The following FAM78B variants were observed in gnomAD, a reference collection of about 807,000 sequenced individuals.
FAM78B encodes the protein family with sequence similarity 78 member B, also known as protein FAM78B.
FAM78B carries 10 observed loss-of-function variants against 20.0 expected under a neutral mutation model. The observed-to-expected ratio is 0.50, with a 90% confidence interval of 0.31 to 0.85. The LOEUF (loss-of-function observed/expected upper bound fraction) is 0.85, where lower values mean the gene tolerates loss of function less well. FAM78B is among the 40% of genes least tolerant of loss of function. The pLI, the probability that FAM78B is intolerant of heterozygous loss-of-function variation, is 0.05. For missense variants in FAM78B, 283 were observed against 345.0 expected, an observed-to-expected ratio of 0.82 and a Z score of 1.42; for synonymous variants, 135 against 132.8, an observed-to-expected ratio of 1.02 and a Z score of -0.12.
intron 1 of FAM78B, among the ~76,000 whole-genome samples, chr1:166,076,362 G>A (rs751174672): frequency 6.6e-6 from 1 of 152,014 alleles, no homozygotes; most frequent in Non-Finnish European, 1.5e-5. Flanking sequence ...TCCCACCTGA[G>A]GGCCTTTGCA....
intron 1 of FAM78B, among the ~76,000 whole-genome samples, chr1:166,109,886 A>ATATATATATATATG (rs1553219467): frequency 5.4e-5 from 1 of 18,540 alleles, no homozygotes; most frequent in Non-Finnish European, 1.0e-4. Flanking sequence ...ATATATGTAT[A>ATATATATATATATG]TATGTATATA....
intron 1 of FAM78B, among the ~76,000 whole-genome samples, chr1:166,101,907 T>A (rs1057342790): frequency 6.6e-6 from 1 of 151,838 alleles, no homozygotes; most frequent in Non-Finnish European, 1.5e-5. Context: ...CACATAATTG[T>A]CAGATTCACC....
intron 1 of FAM78B, among the ~76,000 whole-genome samples, chr1:166,127,080 G>A (rs1370355161): frequency 6.6e-6 from 1 of 152,188 alleles, no homozygotes; most frequent in Non-Finnish European, 1.5e-5. Flanking sequence ...CTCTTACTGG[G>A]TGACATATAA....
chr1:166,060,090 T>G, exon 3 of FAM78B: 1 of 161,444 alleles, frequency 6.2e-6, no homozygotes, highest in Non-Finnish European at 1.4e-5. Context: ...AGCCTGGCCG[T>G]GGAAGGGGGA....
chr1:166,141,949 G>A (rs1199670582), intron 1 of FAM78B, among the ~76,000 whole-genome samples: 1 of 152,170 alleles, frequency 6.6e-6, no homozygotes, highest in East Asian at 1.9e-4. Context: ...GAGGCAGGCT[G>A]AGAGATGCTG....
At chr1:166,152,827 G>A (rs1397062821) in intron 1 of FAM78B, among the ~76,000 whole-genome samples, 4 of 152,098 alleles carry the variant, frequency 2.6e-5, no homozygotes, top group Middle Eastern at 3.4e-3. Flanking sequence ...ACAGGTGCAC[G>A]CCACCACACC....
intron 1 of FAM78B, among the ~76,000 whole-genome samples, chr1:166,149,216 C>T (rs1655588657): frequency 6.6e-6 from 1 of 152,038 alleles, no homozygotes; most frequent in Non-Finnish European, 1.5e-5. Flanking sequence ...TGAGGAATCG[C>T]ACATGTACCC....
intron 1 of FAM78B, among the ~76,000 whole-genome samples, chr1:166,161,222 C>T (rs544252797): frequency 6.6e-6 from 1 of 151,948 alleles, no homozygotes; most frequent in African/African-American, 2.4e-5. Flanking sequence ...TCTTGGTTCA[C>T]TGCAACCTCC....
intron 1 of FAM78B, chr1:166,081,198 T>C (rs1362043778): frequency 6.6e-6 from 1 of 152,104 alleles, no homozygotes; most frequent in Non-Finnish European, 1.5e-5. Context: ...TTTTCAAGAG[T>C]CATCAGTGCA....
chr1:166,107,052 A>G (rs1653816175), intron 1 of FAM78B, among the ~76,000 whole-genome samples: 1 of 152,170 alleles, frequency 6.6e-6, no homozygotes, highest in Admixed American at 6.6e-5. Flanking sequence ...AAAAGACTGA[A>G]AGAGCACAAA....
chr1:166,164,672 GTGT>G (rs1479912628), intron 1 of FAM78B: 3 of 152,170 alleles, frequency 2.0e-5, no homozygotes, highest in Admixed American at 6.5e-5. Context: ...CCTATGACTA[GTGT>G]TAACTGACAT....
chr1:166,153,902 C>A (rs1242332072), intron 1 of FAM78B, among the ~76,000 whole-genome samples: 1 of 152,214 alleles, frequency 6.6e-6, no homozygotes, highest in Non-Finnish European at 1.5e-5. Context: ...CTGTTCCCTC[C>A]CATTCTTCCC....
chr1:166,071,424 T>C (rs1057243901), intron 1 of FAM78B, among the ~76,000 whole-genome samples: 1 of 152,200 alleles, frequency 6.6e-6, no homozygotes, highest in Non-Finnish European at 1.5e-5. Flanking sequence ...CGCTCTCCCA[T>C]TGCCTTCCAG....
intron 1 of FAM78B, among the ~76,000 whole-genome samples, chr1:166,101,227 C>T (rs966285296): frequency 1.7e-4 from 26 of 152,256 alleles, no homozygotes; most frequent in Admixed American, 1.6e-3. Flanking sequence ...GTAGATAAAA[C>T]CACAAAGATG....
chr1:166,095,142 T>G (rs193255902), intron 1 of FAM78B, among the ~76,000 whole-genome samples: 78 of 152,268 alleles, frequency 5.1e-4, no homozygotes, highest in Non-Finnish European at 1.1e-3. Flanking sequence ...GCAAGTCTGC[T>G]GACAACCCTG....
At chr1:166,108,429 A>G (rs564247112) in intron 1 of FAM78B, among the ~76,000 whole-genome samples, 1 of 152,242 alleles carries the variant, frequency 6.6e-6, no homozygotes, top group South Asian at 2.1e-4. Context: ...AAATAAATAT[A>G]ATACTTAGGA....
chr1:166,148,826 T>C (rs1010340288), intron 1 of FAM78B, among the ~76,000 whole-genome samples: 11 of 152,358 alleles, frequency 7.2e-5, no homozygotes, highest in African/African-American at 2.6e-4. Flanking sequence ...GTTCCTCACA[T>C]AAGTGATAAG....
intron 1 of FAM78B, among the ~76,000 whole-genome samples, chr1:166,135,447 C>T (rs1239837673): frequency 5.3e-5 from 8 of 152,176 alleles, no homozygotes; most frequent in East Asian, 1.9e-4. Flanking sequence ...TGATTCACAT[C>T]GCACTACCTG....
chr1:166,069,998 A>G lies in FAM78B; in HGVS notation c.*243T>C, dbSNP rs1651954459. ...TCAGCTCCAAAATATGGCTACTTGC[A>G]TGGTAATCACAGCAAGTCTGTCAAA... is the stretch of plus-strand genomic sequence containing the variant. On this transcript the variant is annotated 3_prime_UTR_variant, in exon 2 of 2. Coordinates refer to ENST00000354422, the MANE Select transcript of FAM78B (RefSeq NM_001017961.5). 1 of 1,216,176 alleles carries G rather than the reference A, an allele frequency of 8.2e-7. No individual in the cohort carries two copies. Among genetic ancestry groups the G allele is most frequent in the Non-Finnish European group, 1.0e-6 (1 of 976,786 alleles). 75.3% of individuals were successfully genotyped at this position (1,216,176 alleles called of 1,614,324 possible).
Sources: allele counts gnomAD v4.1 joint callset (sites outside exome capture counted in the v4.1 genomes callset), GRCh38; gene constraint gnomAD v4.1.1; transcripts MANE v1.5; gene names NCBI Gene and HGNC (gene_info 2026-07-23, HGNC 2026-07-21).